The following DDB2 variants were observed in gnomAD, a reference collection of about 807,000 sequenced individuals.
DDB2 encodes DNA damage-binding protein 2.
Under a neutral mutation model 50.5 loss-of-function variants are expected in DDB2, and 27 were observed. The ratio of observed to expected loss-of-function variants is 0.53; its 90% confidence interval spans 0.39 to 0.74. The LOEUF (loss-of-function observed/expected upper bound fraction) is 0.74, where lower values mean the gene tolerates loss of function less well. Ranked by LOEUF, DDB2 falls within the 30% of genes least tolerant of loss-of-function variation. DDB2 has a pLI of 0.00. For synonymous variants in DDB2, 176 were observed against 205.5 expected (o/e 0.86, Z 1.23); for missense variants, 424 against 545.6 (o/e 0.78, Z 2.22).
rs138346064 is a variant in DDB2, at chr11:47,228,722, C to T, written c.457-4092C>T. ...CGGTGGCTCATGACTGTTGGGAGGC[C>T]GAGGCAGGCGGATCACTTGAAGTCA... is the stretch of plus-strand genomic sequence containing the variant. On this transcript the variant is annotated intron_variant, in intron 3 of 9. Coordinates refer to ENST00000256996, the MANE Select transcript of DDB2 (RefSeq NM_000107.3). Among the ~76,000 whole-genome samples the T allele has an allele frequency of 5.1e-3, 770 of 151,412 alleles. 7 individuals carry two copies. The highest frequency in any genetic ancestry group is 0.016 in the African/African-American group (673 of 41,286).
chr11:47,237,195 T>G (rs1953736991), intron 7 of DDB2, among the ~76,000 whole-genome samples: 1 of 152,136 alleles, frequency 6.6e-6, no homozygotes. Flanking sequence ...TTTTTCTGCT[T>G]TGTTGTAGGC....
Position 47,235,417 on chromosome 11 carries a change from G to A in DDB2, c.1023+5G>A. The A allele has an allele frequency of 1.2e-6, 2 of 1,611,208 alleles. No individual in the cohort carries two copies. The highest frequency in any genetic ancestry group is 1.7e-6 in the Non-Finnish European group (2 of 1,179,952). On this transcript the variant is annotated splice_donor_5th_base_variant and intron_variant, in intron 7 of 9. Coordinates refer to ENST00000256996, the MANE Select transcript of DDB2 (RefSeq NM_000107.3). The stretch of plus-strand genomic sequence containing the variant: ...CAGCACCTCACACCCATCAAGGTGA[G>A]TGGCGGTGGGAAGGAGCTCGCAGAA...
chr11:47,238,475 T>C (rs1483440348), intron 9 of DDB2, among the ~76,000 whole-genome samples: 3 of 152,050 alleles, frequency 2.0e-5, no homozygotes, highest in African/African-American at 7.2e-5. Flanking sequence ...CTTGGCTCAA[T>C]GCAAGCTCCG....
At position 47,239,181 on chromosome 11, in the gene DDB2, TCA is replaced by T. The variant is rs4647761; in HGVS notation, c.*334_*335del. ...GATCAAGCAGTTATTTGATTTGTGC[TCA>T]CTTTTGATATGGCCAATAAAACCAT... On this transcript the variant is annotated 3_prime_UTR_variant, in exon 10 of 10. Transcript: ENST00000256996. The T allele has an allele frequency of 3.0e-3, 1,238 of 407,050 alleles. 15 individuals are homozygous for T. Among genetic ancestry groups the T allele is most frequent in the African/African-American group, 0.022 (1,123 of 50,510 alleles). The allele number at this position is 407,050 out of a possible 1,614,324, so 25.2% of individuals were successfully genotyped here.
rs1166693343 is a variant in DDB2, at chr11:47,228,969, A to AAAG, written c.457-3843_457-3842insGAA. The stretch of plus-strand genomic sequence containing the variant: ...GAGACTCCATCTCAAAAAAAAAAAA[A>AAAG]AAAAGAAATATCTATCTATCTATCT... On this transcript the variant is annotated intron_variant, in intron 3 of 9. Transcript: ENST00000256996. Among the ~76,000 whole-genome samples the AAAG allele has an allele frequency of 2.1e-4, 10 of 47,382 alleles. 1 individual carries two copies. The highest frequency in any genetic ancestry group is 5.7e-4 in the Non-Finnish European group (8 of 14,088). 31.1% of individuals were successfully genotyped at this position (47,382 alleles called of 152,430 possible).
intron 9 of DDB2, 144 bp downstream of exon 9, chr11:47,238,327 A>G (rs1953774297): frequency 3.9e-6 from 3 of 764,560 alleles, no homozygotes; most frequent in South Asian, 2.9e-5. Flanking sequence ...AGTGGTCTCT[A>G]TAGCCAAGGC....
At chr11:47,233,804 C>T (rs1366624501) in intron 4 of DDB2, among the ~76,000 whole-genome samples, 1 of 151,922 alleles carries the variant, frequency 6.6e-6, no homozygotes, top group Non-Finnish European at 1.5e-5. Flanking sequence ...AGTGAGGGTG[C>T]TGGGGTGTAA....
In DDB2 at chr11:47,227,099, C is replaced by CTTTTT. The variant is rs34243882; in HGVS notation, c.457-5695_457-5691dup. On this transcript the variant is annotated intron_variant, in intron 3 of 9. Transcript: ENST00000256996. ...TTCTTTATATATTCTGGATATTAACCTTTTTTTTTTTTTTTTTTTTTTTTG... is the reference window on the plus strand; with the variant it reads ...TTCTTTATATATTCTGGATATTAACCTTTTTTTTTTTTTTTTTTTTTTTTTTTTTG... Among the ~76,000 whole-genome samples, 254 of 32,154 alleles carry CTTTTT rather than the reference C, an allele frequency of 7.9e-3. 46 individuals are homozygous for CTTTTT. The highest frequency in any genetic ancestry group is 8.7e-3 in the Non-Finnish European group (172 of 19,776). 21.1% of individuals were successfully genotyped at this position (32,154 alleles called of 152,430 possible).
At position 47,232,299 on chromosome 11, in the gene DDB2, G is replaced by A. The variant is rs529505328; in HGVS notation, c.457-515G>A. 7.2e-4 allele frequency among the ~76,000 whole-genome samples: 109 copies of A among 151,994 alleles called. 1 individual carries two copies. Among genetic ancestry groups the A allele is most frequent in the Middle Eastern group, 3.4e-3 (1 of 294 alleles). On this transcript the variant is annotated intron_variant, in intron 3 of 9. Transcript: ENST00000256996. ...GCAGAGGTTGCAGTGAGCCGAGGTC[G>A]TGACAGAGCAGGACTCCATCTCAAA...
chr11:47,234,922 C>G lies in DDB2; in HGVS notation c.868C>G (p.Pro290Ala), dbSNP rs767131311. The change falls in exon 6 of 10, where the codon CCT (proline) becomes GCT (alanine). Residue 290 changes from proline to alanine, a missense_variant. By Grantham distance (27) the Pro-to-Ala change is conservative. Transcript: ENST00000256996. Reference protein sequence around the residue: ...SFLYSLPHRHPVNAACFSPDG... With the variant: ...SFLYSLPHRHAVNAACFSPDG... Reference sequence around the variant, plus strand: ...CCTCTACTCGCTGCCGCACAGGCATCCTGTCAACGCAGGTGTGATATCCCA... The same window carrying G: ...CCTCTACTCGCTGCCGCACAGGCATGCTGTCAACGCAGGTGTGATATCCCA... The G allele has an allele frequency of 9.3e-6, 15 of 1,614,092 alleles. No individual in the cohort carries two copies. In the South Asian group the frequency reaches 9.9e-5, roughly 11 times the overall value.
rs1565150251 is a variant in DDB2, at chr11:47,216,480, AT to A, written c.264+14del. 2.5e-6 allele frequency: 4 copies of A among 1,612,614 alleles called. No individual in the cohort carries two copies. Among genetic ancestry groups the A allele is most frequent in the Admixed American group, 1.7e-5 (1 of 59,988 alleles). On this transcript the variant is annotated intron_variant, in intron 2 of 9. Transcript: ENST00000256996. ...TGGCCATCTGTCCAGCAGGTAAGGC[AT>A]TTTTTGCCTCAAGTCCTCAAGGGTT...
At chr11:47,235,086 C>T in intron 6 of DDB2, 152 bp downstream of exon 6, 1 of 1,247,712 alleles carries the variant, frequency 8.0e-7, no homozygotes, top group Non-Finnish European at 1.2e-6. Flanking sequence ...CTGTGGCTGT[C>T]CCCATCAGCT....
chr11:47,225,297 TA>T (rs1953542275), intron 3 of DDB2, among the ~76,000 whole-genome samples: 1 of 149,946 alleles, frequency 6.7e-6, no homozygotes. Context: ...CTGCTTTTTT[TA>T]AAAAAAATTG....
At position 47,232,953 on chromosome 11, in the gene DDB2, C is replaced by A. The variant is rs767854150; in HGVS notation, c.596C>A (p.Thr199Asn). ...CTACGAGTTTTTGCCAGCTCAGACA[C>A]CATCAAGTGAGTAGTTTAACTAGCA... The part of the protein sequence containing the change: ...NILRVFASSD[T>N]INIWFCSLDV... The change falls in exon 4 of 10, where the codon ACC becomes AAC. Residue 199 changes from threonine (T) to asparagine (N), a missense_variant. By Grantham distance (65) the Thr-to-Asn change is moderately conservative (BLOSUM62 0). Transcript: ENST00000256996. 5.6e-6 allele frequency: 9 copies of A among 1,614,086 alleles called. No individual in the cohort carries two copies. In the African/African-American group the frequency reaches 1.1e-4, roughly 19 times the overall value.
chr11:47,238,697 C>T, intron 9 of DDB2, 103 bp from the exon 10 acceptor site: 1 of 1,342,018 alleles, frequency 7.5e-7, no homozygotes, highest in Non-Finnish European at 1.1e-6. Flanking sequence ...CGCGCCCGGC[C>T]TTCCTAGTAT....
intron 3 of DDB2, among the ~76,000 whole-genome samples, chr11:47,222,951 G>A (rs1001143751): frequency 2.0e-5 from 3 of 152,020 alleles, no homozygotes; most frequent in African/African-American, 7.2e-5. Context: ...TTTTCTTTCT[G>A]CCTGAAGAAA....
chr11:47,224,588 A>C lies in DDB2; in HGVS notation c.456+7539A>C, dbSNP rs149110064. ...AAAGAGTTCAAAATGAAGAAAAAGA[A>C]CAGTTCTTTTTTTCTTGGGACTGCG... On this transcript the variant is annotated intron_variant, in intron 3 of 9. Coordinates refer to ENST00000256996, the MANE Select transcript of DDB2 (RefSeq NM_000107.3). Among the ~76,000 whole-genome samples, 16 of 152,214 alleles carry C rather than the reference A, an allele frequency of 1.1e-4. 2 individuals are homozygous for C. The highest frequency in any genetic ancestry group is 3.9e-4 in the African/African-American group (16 of 41,528).
chr11:47,230,591 A>G (rs1052782014), intron 3 of DDB2, among the ~76,000 whole-genome samples: 1 of 152,180 alleles, frequency 6.6e-6, no homozygotes, highest in African/African-American at 2.4e-5. Flanking sequence ...GAAGATTGTC[A>G]TACTACCAGC....
chr11:47,222,062 A>G (rs1247412571), intron 3 of DDB2, among the ~76,000 whole-genome samples: 1 of 152,198 alleles, frequency 6.6e-6, no homozygotes, highest in Admixed American at 6.5e-5. Flanking sequence ...TGAAGCCATC[A>G]CCACAATTAA....
Sources: allele counts gnomAD v4.1 joint callset (sites outside exome capture counted in the v4.1 genomes callset), GRCh38; gene constraint gnomAD v4.1.1; transcripts MANE v1.5; gene names NCBI Gene and HGNC (gene_info 2026-07-23, HGNC 2026-07-21).